The following GPBP1 variants were observed in gnomAD, a reference collection of about 807,000 sequenced individuals.
The protein encoded by GPBP1 is GC-rich promoter binding protein 1.
Under a neutral mutation model 56.5 loss-of-function variants are expected in GPBP1, and 13 were observed. The observed-to-expected ratio is 0.23, with a 90% CI of 0.15 to 0.37. GPBP1 has a LOEUF of 0.37. Among genes scored for constraint, GPBP1 ranks in the 10% least tolerant of loss-of-function variants. The pLI, the probability that GPBP1 is intolerant of heterozygous loss-of-function variation, is 1.00. For synonymous variants in GPBP1, 204 were observed against 188.9 expected, an observed-to-expected ratio of 1.08 and a Z score of -0.66; for missense variants, 477 against 572.3, an observed-to-expected ratio of 0.83 and a Z score of 1.70.
At chr5:57,215,627 C>T (rs945952144) in intron 3 of GPBP1, among the ~76,000 whole-genome samples, 5 of 152,188 alleles carry the variant, frequency 3.3e-5, no homozygotes, top group African/African-American at 1.2e-4. Flanking sequence ...AACTAGCTGG[C>T]CTGTGATTCA....
At chr5:57,222,735 A>G (rs1197707864) in intron 3 of GPBP1, among the ~76,000 whole-genome samples, 1 of 152,176 alleles carries the variant, frequency 6.6e-6, no homozygotes, top group Non-Finnish European at 1.5e-5. Flanking sequence ...GCTGAATCAG[A>G]AGGTTTGTAC....
At chr5:57,209,205 A>G (rs994487872) in intron 2 of GPBP1, among the ~76,000 whole-genome samples, 8 of 152,216 alleles carry the variant, frequency 5.3e-5, no homozygotes, top group African/African-American at 1.9e-4. Flanking sequence ...TAGCTCTAAT[A>G]CATATTTTTT....
intron 5 of GPBP1, among the ~76,000 whole-genome samples, chr5:57,235,567 C>T (rs1001522160): frequency 1.3e-5 from 2 of 152,110 alleles, no homozygotes; most frequent in South Asian, 4.1e-4. Context: ...TTTTCTCTGA[C>T]CAGCAATTAG....
intron 2 of GPBP1, among the ~76,000 whole-genome samples, chr5:57,201,814 A>G (rs79366651): frequency 0.015 from 2,333 of 152,214 alleles, 137 homozygotes; most frequent in East Asian, 0.097. Flanking sequence ...TGGGTTTGTT[A>G]ACATTCAGTA....
At chr5:57,182,528 A>G (rs1221910249) in intron 2 of GPBP1, among the ~76,000 whole-genome samples, 1 of 151,058 alleles carries the variant, frequency 6.6e-6, no homozygotes, top group Admixed American at 6.6e-5. Flanking sequence ...GCCTGGCACC[A>G]TACTTAGCTA....
At chr5:57,208,888 CAT>C (rs1755355893) in intron 2 of GPBP1, among the ~76,000 whole-genome samples, 1 of 152,006 alleles carries the variant, frequency 6.6e-6, no homozygotes, top group East Asian at 1.9e-4. Context: ...CTCTTGACCT[CAT>C]GTGATCCACC....
At chr5:57,183,457 T>G (rs1403486877) in intron 2 of GPBP1, among the ~76,000 whole-genome samples, 2 of 152,182 alleles carry the variant, frequency 1.3e-5, no homozygotes, top group Non-Finnish European at 2.9e-5. Context: ...GCTTGGCTTG[T>G]GGCTCACGCC....
chr5:57,257,675 G>C (rs1050438594), intron 10 of GPBP1, among the ~76,000 whole-genome samples: 14 of 151,966 alleles, frequency 9.2e-5, no homozygotes, highest in Admixed American at 8.5e-4. Flanking sequence ...GGCTGGTCTT[G>C]AACTCCTAGC....
intron 2 of GPBP1, among the ~76,000 whole-genome samples, chr5:57,195,150 C>G (rs1446942555): frequency 6.6e-6 from 1 of 151,976 alleles, no homozygotes; most frequent in Non-Finnish European, 1.5e-5. Context: ...ATCCTTTGCC[C>G]ATTTTTCTAT....
At chr5:57,222,664 A>C (rs1756003507) in intron 3 of GPBP1, among the ~76,000 whole-genome samples, 1 of 152,190 alleles carries the variant, frequency 6.6e-6, no homozygotes, top group Non-Finnish European at 1.5e-5. Context: ...AATGGACTAA[A>C]CTGTAGAAAT....
chr5:57,207,346 T>C (rs1418486169), intron 2 of GPBP1, among the ~76,000 whole-genome samples: 1 of 152,138 alleles, frequency 6.6e-6, no homozygotes, highest in Non-Finnish European at 1.5e-5. Context: ...TTTGAAATAG[T>C]GAAACTTAGT....
At chr5:57,251,578 T>C (rs1161961169) in intron 10 of GPBP1, among the ~76,000 whole-genome samples, 4 of 150,432 alleles carry the variant, frequency 2.7e-5, no homozygotes, top group African/African-American at 9.7e-5. Flanking sequence ...TCCACCTCTT[T>C]TTTTTTTTTT....
chr5:57,187,003 A>T (rs1754316307), intron 2 of GPBP1, among the ~76,000 whole-genome samples: 1 of 146,674 alleles, frequency 6.8e-6, no homozygotes, highest in African/African-American at 2.5e-5. Flanking sequence ...GACTCAGAGA[A>T]GTGTGTGTGT....
In GPBP1 at chr5:57,260,170, ATGTCT is replaced by A. The variant is rs573137077; in HGVS notation, c.1161-1004_1161-1000del. On this transcript the variant is annotated intron_variant, in intron 10 of 11. Transcript: ENST00000506184. ...AATCATGTAAGCTGAACCAAGTGAGATGTCTTGTCTGTGGTATTGGCTATTTCTGT... is the reference window on the plus strand; with the variant it reads ...AATCATGTAAGCTGAACCAAGTGAGATGTCTGTGGTATTGGCTATTTCTGT... Among the ~76,000 whole-genome samples the A allele has an allele frequency of 2.0e-5, 3 of 152,280 alleles. No individual in the cohort carries two copies. In the South Asian group the frequency reaches 6.2e-4, roughly 32 times the overall value.
intron 3 of GPBP1, among the ~76,000 whole-genome samples, chr5:57,218,761 G>A (rs759170607): frequency 6.6e-6 from 1 of 152,146 alleles, no homozygotes; most frequent in African/African-American, 2.4e-5. Context: ...CACCACGCTC[G>A]AGCCAGAATC....
At chr5:57,251,728 T>C (rs1434330874) in intron 10 of GPBP1, among the ~76,000 whole-genome samples, 1 of 152,174 alleles carries the variant, frequency 6.6e-6, no homozygotes, top group East Asian at 1.9e-4. Flanking sequence ...CTGGGACATA[T>C]GATAGTTGTG....
At chr5:57,220,969 G>A (rs761234105) in intron 3 of GPBP1, among the ~76,000 whole-genome samples, 6 of 151,842 alleles carry the variant, frequency 4.0e-5, no homozygotes, top group Non-Finnish European at 8.8e-5. Flanking sequence ...TTTTAATATT[G>A]TTCTGAGTAA....
At chr5:57,216,726 T>C (rs1041153618) in intron 3 of GPBP1, among the ~76,000 whole-genome samples, 2 of 152,122 alleles carry the variant, frequency 1.3e-5, no homozygotes, top group Non-Finnish European at 2.9e-5. Context: ...GTCTGAAAAT[T>C]ATTCTAAGGG....
intron 9 of GPBP1, among the ~76,000 whole-genome samples, chr5:57,250,346 C>T (rs1319768242): frequency 2.0e-5 from 3 of 151,760 alleles, no homozygotes; most frequent in Non-Finnish European, 4.4e-5. Flanking sequence ...TCTATAGTTT[C>T]TGTGGAAAAA....
Sources: gnomAD v4.1 joint callset for allele counts (sites outside exome capture counted in the v4.1 genomes callset) on GRCh38, gnomAD v4.1.1 for gene constraint, MANE v1.5 for transcripts, NCBI Gene and HGNC (gene_info 2026-07-23, HGNC 2026-07-21) for gene names.